LRMDA: variants seen among roughly 807,000 people sequenced by gnomAD.
LRMDA encodes the protein leucine rich melanocyte differentiation associated, also known as leucine-rich melanocyte differentiation-associated protein.
A neutral mutation model predicts 29.8 loss-of-function variants in LRMDA; 18 were observed. The observed-to-expected ratio is 0.60, with a 90% confidence interval of 0.42 to 0.90. The LOEUF (loss-of-function observed/expected upper bound fraction) is 0.90. LRMDA is among the 40% of genes least tolerant of loss of function. The pLI, the probability that LRMDA is intolerant of heterozygous loss-of-function variation, is 0.00. For missense variants in LRMDA, 273 were observed against 273.9 expected (o/e 1.00, Z 0.02); for synonymous variants, 125 against 109.4 (o/e 1.14, Z -0.89).
chr10:76,461,313 G>T (rs1022699519), intron 6 of LRMDA, among the ~76,000 whole-genome samples: 1 of 152,138 alleles, frequency 6.6e-6, no homozygotes, highest in Non-Finnish European at 1.5e-5. Context: ...AGCCTGTCAT[G>T]ATGATGGAGA....
At chr10:75,449,638 A>G (rs769416964) in intron 2 of LRMDA, among the ~76,000 whole-genome samples, 3 of 151,848 alleles carry the variant, frequency 2.0e-5, no homozygotes, top group Non-Finnish European at 4.4e-5. Context: ...TCATACGTAT[A>G]TAGCATTTCC....
At chr10:75,913,020 C>G (rs145517917) in intron 2 of LRMDA, among the ~76,000 whole-genome samples, 64 of 152,294 alleles carry the variant, frequency 4.2e-4, no homozygotes, top group Admixed American at 6.5e-4. Flanking sequence ...CAGGAATAAT[C>G]TAGCTTTAGA....
Position 76,250,566 on chromosome 10 carries a change from G to A in LRMDA, c.517-73835G>A, listed in dbSNP as rs189472260. ...TCATCATGAATAGGTTTCAAATCTC[G>A]TATTTGGAGCATTTCAATTTAAGTT... On this transcript the variant is annotated intron_variant, in intron 5 of 6. Transcript: ENST00000611255. Among the ~76,000 whole-genome samples the A allele has an allele frequency of 2.3e-3, 348 of 152,242 alleles. 1 individual carries two copies. The highest frequency in any genetic ancestry group is 8.0e-3 in the African/African-American group (334 of 41,548).
At chr10:76,497,073 G>A (rs72642264) in intron 6 of LRMDA, among the ~76,000 whole-genome samples, 5,510 of 75,148 alleles carry the variant, frequency 0.073, 1,849 homozygotes, top group African/African-American at 0.13. Context: ...ATGATGATTC[G>A]AAGGAAAGTT....
intron 5 of LRMDA, among the ~76,000 whole-genome samples, chr10:76,147,562 T>A (rs1320541159): frequency 6.6e-6 from 1 of 152,130 alleles, no homozygotes; most frequent in African/African-American, 2.4e-5. Flanking sequence ...TTCTCTGCAT[T>A]GGTTATTCTA....
chr10:76,387,867 G>T (rs1024366494), intron 6 of LRMDA, among the ~76,000 whole-genome samples: 2 of 152,152 alleles, frequency 1.3e-5, no homozygotes, highest in Non-Finnish European at 2.9e-5. Flanking sequence ...AGACTTTGAA[G>T]AAGTTCACTG....
intron 2 of LRMDA, among the ~76,000 whole-genome samples, chr10:76,033,491 C>T (rs1848186574): frequency 6.6e-6 from 1 of 152,068 alleles, no homozygotes; most frequent in African/African-American, 2.4e-5. Context: ...GTGGGCGCTT[C>T]CTTGGTGCTC....
rs1173887584 is a variant in LRMDA at position 75,560,345 on chromosome 10, G to A, written c.131+121851G>A. 9.3e-5 allele frequency among the ~76,000 whole-genome samples: 14 copies of A among 150,858 alleles called. No homozygotes were observed. In the East Asian group the frequency reaches 2.3e-3, roughly 25 times the overall value. On this transcript the variant is annotated intron_variant, in intron 2 of 6. Coordinates refer to ENST00000611255, the MANE Select transcript of LRMDA (RefSeq NM_001305581.2). ...TTTGGCTCTCTGTTTGTCTGTTATTGGTGTATAAGAATGCTTGTGATTTTT... is the reference window on the plus strand; with the variant it reads ...TTTGGCTCTCTGTTTGTCTGTTATTAGTGTATAAGAATGCTTGTGATTTTT...
At position 76,170,191 on chromosome 10, in the gene LRMDA, G is replaced by A. The variant is rs115931211; in HGVS notation, c.516+111408G>A. On this transcript the variant is annotated intron_variant, in intron 5 of 6. Coordinates refer to ENST00000611255, the MANE Select transcript of LRMDA (RefSeq NM_001305581.2). ...GTCTCCTCACCAGTCACCCAAGAAG[G>A]TATAAACTGGCCGCTCAATGTGTTT... Among the ~76,000 whole-genome samples, 390 of 152,264 alleles carry A rather than the reference G, an allele frequency of 2.6e-3. 1 individual carries two copies. Among genetic ancestry groups the A allele is most frequent in the African/African-American group, 6.2e-3 (259 of 41,544 alleles).
chr10:76,357,054 G>A (rs909994192), intron 6 of LRMDA, among the ~76,000 whole-genome samples: 1 of 152,108 alleles, frequency 6.6e-6, no homozygotes, highest in African/African-American at 2.4e-5. Flanking sequence ...ATTGGCAAGT[G>A]CAAAACAAAA....
chr10:76,176,201 A>G (rs1850930605), intron 5 of LRMDA, among the ~76,000 whole-genome samples: 1 of 152,220 alleles, frequency 6.6e-6, no homozygotes, highest in Admixed American at 6.5e-5. Flanking sequence ...TAAAGCAGGC[A>G]GCTCACATGA....
Position 75,723,780 on chromosome 10 carries a change from A to C in LRMDA, c.131+285286A>C, listed in dbSNP as rs191299019. 3.3e-5 allele frequency among the ~76,000 whole-genome samples: 5 copies of C among 152,346 alleles called. No homozygotes were observed. The East Asian group carries it at 9.6e-4, about 29-fold the overall frequency. Reference sequence around the variant, plus strand: ...CTGATGTATGGTGTAGCGGTGGGACAGTGGAAAATTTGATAGTTGTTTCCG... The same window carrying C: ...CTGATGTATGGTGTAGCGGTGGGACCGTGGAAAATTTGATAGTTGTTTCCG... On this transcript the variant is annotated intron_variant, in intron 2 of 6. Transcript: ENST00000611255.
At chr10:76,459,003 A>G (rs1842485958) in intron 6 of LRMDA, among the ~76,000 whole-genome samples, 1 of 152,136 alleles carries the variant, frequency 6.6e-6, no homozygotes, top group Admixed American at 6.6e-5. Context: ...GTTTTTCTCA[A>G]GCGTCTACTA....
chr10:76,234,256 A>G (rs1057326522), intron 5 of LRMDA, among the ~76,000 whole-genome samples: 2 of 152,188 alleles, frequency 1.3e-5, no homozygotes, highest in Non-Finnish European at 2.9e-5. Context: ...ATATTTTGAA[A>G]GAAATCTTTT....
At chr10:75,486,842 T>C (rs2132057575) in intron 2 of LRMDA, among the ~76,000 whole-genome samples, 1 of 152,340 alleles carries the variant, frequency 6.6e-6, no homozygotes, top group East Asian at 1.9e-4. Flanking sequence ...CTCATCAGAC[T>C]ACTTTGCAGC....
At chr10:76,014,354 C>T (rs1029069635) in intron 2 of LRMDA, among the ~76,000 whole-genome samples, 2 of 151,738 alleles carry the variant, frequency 1.3e-5, no homozygotes, top group African/African-American at 4.8e-5. Flanking sequence ...TAGCAGTAAC[C>T]CACCTCATAC....
chr10:76,137,346 A>T (rs1208430079), intron 5 of LRMDA, among the ~76,000 whole-genome samples: 11 of 152,198 alleles, frequency 7.2e-5, no homozygotes, highest in Non-Finnish European at 1.5e-4. Context: ...GGCTGTAAAC[A>T]GTGTTGAATA....
At chr10:76,194,733 T>C (rs1291337301) in intron 5 of LRMDA, among the ~76,000 whole-genome samples, 3 of 152,158 alleles carry the variant, frequency 2.0e-5, no homozygotes, top group Non-Finnish European at 4.4e-5. Flanking sequence ...GTCAGACACT[T>C]GGATGGAAAG....
At chr10:76,519,962 C>T (rs921682496) in intron 6 of LRMDA, among the ~76,000 whole-genome samples, 9 of 152,068 alleles carry the variant, frequency 5.9e-5, no homozygotes, top group African/African-American at 1.7e-4. Context: ...TTTACCATGG[C>T]AGAGGAAAAC....
Sources: gnomAD v4.1 joint callset for allele counts (sites outside exome capture counted in the v4.1 genomes callset) on GRCh38, gnomAD v4.1.1 for gene constraint, MANE v1.5 for transcripts, NCBI Gene and HGNC (gene_info 2026-07-23, HGNC 2026-07-21) for gene names.